ZNF544: variants seen among roughly 807,000 people sequenced by gnomAD.
ZNF544 encodes zinc finger protein AF020591.
ZNF544 carries 10 observed loss-of-function variants against 13.5 expected under a neutral mutation model. The ratio of observed to expected loss-of-function variants is 0.74; its 90% CI spans 0.46 to 1.25. The LOEUF (loss-of-function observed/expected upper bound fraction) is 1.25. ZNF544 is among the 50% of genes most tolerant of loss of function. The pLI, the probability that ZNF544 is intolerant of heterozygous loss-of-function variation, is 0.00. For missense variants in ZNF544, 896 were observed against 845.6 expected, an observed-to-expected ratio of 1.06 and a Z score of -0.74; for synonymous variants, 323 against 300.5, an observed-to-expected ratio of 1.07 and a Z score of -0.77.
chr19:58,247,411 C>CA, intron 6 of ZNF544: 2 of 152,192 alleles, frequency 1.3e-5, no homozygotes, highest in Non-Finnish European at 2.9e-5. Flanking sequence ...ACAGGCATGT[C>CA]CACCATGCCC....
intron 5 of ZNF544, among the ~76,000 whole-genome samples, chr19:58,272,894 G>GA (rs2050804633): frequency 6.7e-6 from 1 of 148,478 alleles, no homozygotes; most frequent in Non-Finnish European, 1.5e-5. Flanking sequence ...GAAAAGAAAA[G>GA]AAAAAAAGGC....
At chr19:58,247,746 C>T (rs1011424255) in intron 6 of ZNF544, 1 of 151,982 alleles carries the variant, frequency 6.6e-6, no homozygotes, top group African/African-American at 2.4e-5. Flanking sequence ...GTTGCCCAGG[C>T]TAATAGACTT....
At chr19:58,277,191 C>A in exon 7 of ZNF544, 1 of 1,231,588 alleles carries the variant, frequency 8.1e-7, no homozygotes, top group Non-Finnish European at 1.0e-6. Flanking sequence ...AGGAACGAGG[C>A]CCAGCAAAAA....
chr19:58,262,009 A>G lies in ZNF544; in HGVS notation c.1403A>G (p.His468Arg). ...HTGEKPYECT[H>R]CGKSFSQSYE... The stretch of plus-strand genomic sequence containing the variant: ...GGAGAGAAACCGTATGAGTGCACTC[A>G]CTGTGGAAAGTCCTTCAGCCAAAGC... Residue 468 changes from histidine (H) to arginine (R), a missense_variant, in exon 7 of 7, where the codon CAC (histidine) becomes CGC (arginine). By Grantham distance (29) the His-to-Arg change is conservative. Transcript: ENST00000687789. 1.9e-6 allele frequency: 3 copies of G among 1,613,946 alleles called. No individual in the cohort carries two copies. Among genetic ancestry groups the G allele is most frequent in the Non-Finnish European group, 2.5e-6 (3 of 1,179,998 alleles).
intron 5 of ZNF544, among the ~76,000 whole-genome samples, chr19:58,270,558 C>T (rs2050511022): frequency 6.6e-6 from 1 of 152,108 alleles, no homozygotes; most frequent in African/African-American, 2.4e-5. Context: ...CCTTGGCATC[C>T]CAAAGTGCTG....
rs372300602 is a variant in ZNF544, at chr19:58,276,702, A to T, written c.351+273A>T. ...AGGGTGGTCTCAAACTCCTGACCTC[A>T]GGTGATCCACCCACCTCAGCCTCCC... On this transcript the variant is annotated intron_variant, in intron 6 of 6. Coordinates refer to the ZNF544 transcript ENST00000595981. 2.0e-5 allele frequency among the ~76,000 whole-genome samples: 3 copies of T among 152,310 alleles called. No individual in the cohort carries two copies. The East Asian group carries it at 5.8e-4, about 29-fold the overall frequency.
At chr19:58,251,198 T>G in intron 6 of ZNF544, 1 of 391,262 alleles carries the variant, frequency 2.6e-6, no homozygotes, top group Non-Finnish European at 5.2e-6. Flanking sequence ...GCAATTAAAT[T>G]GTAGAAGTAT....
intron 6 of ZNF544, among the ~76,000 whole-genome samples, chr19:58,251,071 TAGA>T (rs2046221135): frequency 1.3e-5 from 2 of 152,218 alleles, no homozygotes; most frequent in Non-Finnish European, 2.9e-5. Flanking sequence ...TTTTGTGCTA[TAGA>T]ATAGGAACTT....
chr19:58,254,152 A>G (rs2046792413), intron 6 of ZNF544, among the ~76,000 whole-genome samples: 1 of 151,918 alleles, frequency 6.6e-6, no homozygotes, highest in Non-Finnish European at 1.5e-5. Flanking sequence ...TGAACCCGGG[A>G]GGCATAGCTT....
At chr19:58,268,289 G>T (rs538947298), downstream of ZNF544, among the ~76,000 whole-genome samples, 1 of 152,068 alleles carries the variant, frequency 6.6e-6, no homozygotes, top group Non-Finnish European at 1.5e-5. Flanking sequence ...CAACAAGAGT[G>T]AAACTCCGTC....
downstream of ZNF544, among the ~76,000 whole-genome samples, chr19:58,264,938 G>C (rs1173529123): frequency 1.3e-5 from 2 of 151,954 alleles, no homozygotes; most frequent in Non-Finnish European, 2.9e-5. Context: ...TGGGGGTGGG[G>C]GGGATGGTCT....
At chr19:58,258,098 C>T (rs2047951448) in intron 6 of ZNF544, 1 of 152,290 alleles carries the variant, frequency 6.6e-6, no homozygotes, top group Non-Finnish European at 1.5e-5. Flanking sequence ...CATAGGCATC[C>T]CTCTTGGCTG....
intron 3 of ZNF544, among the ~76,000 whole-genome samples, chr19:58,236,656 T>C (rs916778168): frequency 6.6e-6 from 1 of 152,010 alleles, no homozygotes; most frequent in Admixed American, 6.6e-5. Context: ...AAGCCAGACA[T>C]TGACATCGAT....
chr19:58,252,958 T>C (rs1375918218), intron 6 of ZNF544, among the ~76,000 whole-genome samples: 2 of 152,134 alleles, frequency 1.3e-5, no homozygotes, highest in Non-Finnish European at 2.9e-5. Flanking sequence ...TAGCTGGGAT[T>C]ACAGGCACGT....
At chr19:58,241,086 C>T (rs149590553) in intron 3 of ZNF544, among the ~76,000 whole-genome samples, 1 of 110,778 alleles carries the variant, frequency 9.0e-6, no homozygotes, top group East Asian at 2.2e-4. Context: ...ATCATCCTGC[C>T]TCAGTCTCTC....
chr19:58,241,565 C>T (rs921177134), intron 3 of ZNF544, among the ~76,000 whole-genome samples: 1 of 150,534 alleles, frequency 6.6e-6, no homozygotes, highest in African/African-American at 2.5e-5. Flanking sequence ...AGTGCGATCT[C>T]AGCTCACTGC....
intron 5 of ZNF544, among the ~76,000 whole-genome samples, chr19:58,270,314 C>T (rs2449630): frequency 0.57 from 82,487 of 145,260 alleles, 23,626 homozygotes; most frequent in Middle Eastern, 0.65. Context: ...CTTTTTTTTT[C>T]TTTTTTTTTG....
In ZNF544 at chr19:58,262,678, G is replaced by C. The variant is rs1283868140; in HGVS notation, c.2072G>C (p.Ser691Thr). ...IHSGEKPYEC[S>T]DCGKSFRQQS... ...TCTGGAGAGAAACCCTATGAATGTAGTGACTGTGGGAAATCCTTCCGGCAG... is the reference window on the plus strand; with the variant it reads ...TCTGGAGAGAAACCCTATGAATGTACTGACTGTGGGAAATCCTTCCGGCAG... The change falls in exon 7 of 7, where the codon AGT becomes ACT. Residue 691 changes from serine (S) to threonine (T), a missense_variant. Ser to Thr is a moderately conservative substitution (Grantham distance 58). Coordinates refer to ENST00000687789, the MANE Select transcript of ZNF544 (RefSeq NM_014480.4). The C allele has an allele frequency of 6.2e-7, 1 of 1,612,864 alleles. No individual in the cohort carries two copies. Among genetic ancestry groups the C allele is most frequent in the South Asian group, 1.1e-5 (1 of 91,016 alleles).
chr19:58,229,257 G>C, intron 1 of ZNF544: 1 of 134,052 alleles, frequency 7.5e-6, no homozygotes. Context: ...TACCTCGCAG[G>C]TACGGGCAGG....
Sources: allele counts gnomAD v4.1 joint callset (sites outside exome capture counted in the v4.1 genomes callset), GRCh38; gene constraint gnomAD v4.1.1; transcripts MANE v1.5; gene names NCBI Gene and HGNC (gene_info 2026-07-23, HGNC 2026-07-21).